Variants in DAB1 observed in about 807,000 individuals in gnomAD.
The protein encoded by DAB1 is disabled homolog 1.
A neutral mutation model predicts 64.6 loss-of-function variants in DAB1; 15 were observed. The ratio of observed to expected loss-of-function variants is 0.23; its 90% CI spans 0.16 to 0.36. The LOEUF (loss-of-function observed/expected upper bound fraction) is 0.36. Among genes scored for constraint, DAB1 ranks in the 10% least tolerant of loss-of-function variants. The pLI, the probability that DAB1 is intolerant of heterozygous loss-of-function variation, is 1.00. For missense variants in DAB1, 596 were observed against 706.7 expected, an observed-to-expected ratio of 0.84 and a Z score of 1.78; for synonymous variants, 235 against 251.9, an observed-to-expected ratio of 0.93 and a Z score of 0.64.
chr1:57,439,446 T>TTTTTTTTTTTTG (rs1685847161), intron 7 of DAB1, among the ~76,000 whole-genome samples: 1 of 141,944 alleles, frequency 7.0e-6, no homozygotes, highest in African/African-American at 2.7e-5. Flanking sequence ...TTTTTTTTTT[T>TTTTTTTTTTTTG]TGAGACGGAG....
intron 5 of DAB1, among the ~76,000 whole-genome samples, chr1:58,076,891 G>A (rs1649684068): frequency 6.6e-6 from 1 of 152,142 alleles, no homozygotes; most frequent in South Asian, 2.1e-4. Context: ...TGATGTTCAT[G>A]GAATGAAGCT....
intron 1 of DAB1, among the ~76,000 whole-genome samples, chr1:57,881,135 G>A (rs1644137682): frequency 6.6e-6 from 1 of 152,126 alleles, no homozygotes; most frequent in Non-Finnish European, 1.5e-5. Flanking sequence ...AAATTAGACT[G>A]TGCACATGAA....
Position 58,300,653 on chromosome 1 carries a change from G to A in DAB1, n.309+42699C>T, listed in dbSNP as rs1025790901. Among the ~76,000 whole-genome samples the A allele has an allele frequency of 2.3e-3, 187 of 82,158 alleles. 3 individuals carry two copies. Among genetic ancestry groups the A allele is most frequent in the Middle Eastern group, 5.4e-3 (1 of 186 alleles). The allele number at this position is 82,158 out of a possible 152,430, so 53.9% of individuals were successfully genotyped here. On this transcript the variant is annotated intron_variant and non_coding_transcript_variant, in intron 4 of 20. Transcript: ENST00000485760. ...GAGAGAGAGAGAGAGAGAGAGGAAG[G>A]AAGGAAGGAAGGAAGGAAGGAAGGA...
intron 2 of DAB1, among the ~76,000 whole-genome samples, chr1:57,277,876 C>A (rs1671594191): frequency 6.6e-6 from 1 of 152,174 alleles, no homozygotes; most frequent in Non-Finnish European, 1.5e-5. Context: ...GTGCAAGTCC[C>A]AGCATGGTGT....
At chr1:57,650,610 C>T (rs1436680595) in intron 6 of DAB1, among the ~76,000 whole-genome samples, 10 of 152,116 alleles carry the variant, frequency 6.6e-5, no homozygotes. Context: ...TCAGAAATAA[C>T]AGTGGTCATC....
intron 1 of DAB1, among the ~76,000 whole-genome samples, chr1:57,332,035 C>T (rs919263388): frequency 3.3e-5 from 5 of 152,178 alleles, no homozygotes; most frequent in African/African-American, 1.2e-4. Context: ...GCAATCTCGA[C>T]TCACTACAAC....
At chr1:57,726,353 A>T (rs1480106014) in intron 6 of DAB1, among the ~76,000 whole-genome samples, 1 of 152,182 alleles carries the variant, frequency 6.6e-6, no homozygotes, top group Non-Finnish European at 1.5e-5. Flanking sequence ...GTGCCTGACC[A>T]TCAGGAATAG....
chr1:57,414,845 A>G (rs988285845), intron 1 of DAB1, among the ~76,000 whole-genome samples: 2 of 151,588 alleles, frequency 1.3e-5, no homozygotes, highest in Middle Eastern at 3.2e-3. Context: ...GTATTGAAAG[A>G]CATTAAATAA....
At chr1:58,514,160 T>A (rs1293345254) in intron 2 of DAB1, among the ~76,000 whole-genome samples, 1 of 152,154 alleles carries the variant, frequency 6.6e-6, no homozygotes, top group Non-Finnish European at 1.5e-5. Context: ...AGTGATGATG[T>A]CATGAATTTA....
intron 2 of DAB1, among the ~76,000 whole-genome samples, chr1:57,267,393 G>A (rs577681506): frequency 2.6e-5 from 4 of 152,346 alleles, no homozygotes; most frequent in African/African-American, 9.6e-5. Context: ...CTCAGGAAAT[G>A]AACACGGAGA....
At chr1:57,000,584 A>G (rs1448148601) in intron 14 of DAB1, among the ~76,000 whole-genome samples, 1 of 152,230 alleles carries the variant, frequency 6.6e-6, no homozygotes, top group Non-Finnish European at 1.5e-5. Context: ...TTTCAAATAC[A>G]TGTTGTAAGG....
At chr1:57,822,919 G>T (rs1265389591), downstream of DAB1, among the ~76,000 whole-genome samples, 2 of 151,690 alleles carry the variant, frequency 1.3e-5, no homozygotes, top group African/African-American at 2.4e-5. Context: ...TGAGGTACAG[G>T]CTCCCAATAG....
Position 57,028,743 on chromosome 1 carries a change from C to G in DAB1, c.724-2700G>C, listed in dbSNP as rs1326093898. On this transcript the variant is annotated intron_variant, in intron 9 of 14. Coordinates refer to ENST00000371236, the MANE Select transcript of DAB1 (RefSeq NM_001365792.1). ...GCAAAGAGACCAGTGACATTTTGCC[C>G]CTGTCCTAGAGACTTGTGGAACTTT... Among the ~76,000 whole-genome samples, 7 of 152,218 alleles carry G rather than the reference C, an allele frequency of 4.6e-5. No homozygotes were observed. The East Asian group carries it at 1.4e-3, about 29-fold the overall frequency.
chr1:57,147,033 TC>T (rs1304941694), intron 2 of DAB1, among the ~76,000 whole-genome samples: 1 of 124,360 alleles, frequency 8.0e-6, no homozygotes, highest in East Asian at 2.5e-4. Flanking sequence ...CCACTGTTTT[TC>T]TTTTTTTTTT....
chr1:57,413,969 T>G (rs976566212), intron 1 of DAB1, among the ~76,000 whole-genome samples: 1 of 152,168 alleles, frequency 6.6e-6, no homozygotes, highest in African/African-American at 2.4e-5. Context: ...GAAACTGAAT[T>G]GCTGTAGTCT....
intron 6 of DAB1, among the ~76,000 whole-genome samples, chr1:57,756,750 G>C (rs1196660394): frequency 1.3e-5 from 2 of 152,020 alleles, no homozygotes; most frequent in Non-Finnish European, 2.9e-5. Context: ...GTCCAGAAAG[G>C]ACAAGTAAGT....
intron 6 of DAB1, among the ~76,000 whole-genome samples, chr1:57,764,618 C>G (rs1348582479): frequency 1.3e-5 from 2 of 152,158 alleles, no homozygotes; most frequent in Non-Finnish European, 2.9e-5. Context: ...ATACTCTGTT[C>G]TACTTTTTAC....
chr1:58,045,408 C>T (rs879588738), intron 5 of DAB1, among the ~76,000 whole-genome samples: 1 of 152,198 alleles, frequency 6.6e-6, no homozygotes, highest in African/African-American at 2.4e-5. Context: ...AGGCCTGAAC[C>T]TGTGACCCCA....
chr1:57,698,823 C>A (rs1646875917), intron 6 of DAB1, among the ~76,000 whole-genome samples: 1 of 152,210 alleles, frequency 6.6e-6, no homozygotes, highest in African/African-American at 2.4e-5. Flanking sequence ...GTGATATCTT[C>A]AAAATTCTAA....
Sources: allele counts gnomAD v4.1 joint callset (sites outside exome capture counted in the v4.1 genomes callset), GRCh38; gene constraint gnomAD v4.1.1; transcripts MANE v1.5; gene names NCBI Gene and HGNC (gene_info 2026-07-23, HGNC 2026-07-21).